The following RORB variants were observed in gnomAD, a reference collection of about 807,000 sequenced individuals.
The protein encoded by RORB is nuclear receptor ROR-beta.
RORB carries 6 observed loss-of-function variants against 59.1 expected under a neutral mutation model. That is an observed-to-expected ratio of 0.10 (90% CI 0.06 to 0.20). RORB has a LOEUF of 0.20. Among genes scored for constraint, RORB ranks in the 10% least tolerant of loss-of-function variants. The pLI, the probability that RORB is intolerant of heterozygous loss-of-function variation, is 1.00. For synonymous variants in RORB, 215 were observed against 204.5 expected (o/e 1.05, Z -0.44); for missense variants, 320 against 560.5 (o/e 0.57, Z 4.33).
rs1029322818 is a variant in RORB at position 74,583,061 on chromosome 9, A to G, written c.8-47221A>G. 2.6e-5 allele frequency among the ~76,000 whole-genome samples: 4 copies of G among 152,164 alleles called. No individual in the cohort carries two copies. The East Asian group carries it at 7.8e-4, about 29-fold the overall frequency. ...AATGTGGCACATGGACTGGGCCCCCATGTACACAAGTGGAAGGTTGGGGAA... is the reference window on the plus strand; with the variant it reads ...AATGTGGCACATGGACTGGGCCCCCGTGTACACAAGTGGAAGGTTGGGGAA... On this transcript the variant is annotated intron_variant, in intron 1 of 9. Coordinates refer to ENST00000376896, the MANE Select transcript of RORB (RefSeq NM_006914.4).
intron 4 of RORB, among the ~76,000 whole-genome samples, chr9:74,658,500 G>T (rs572330380): frequency 3.4e-5 from 5 of 147,736 alleles, no homozygotes; most frequent in Non-Finnish European, 6.0e-5. Context: ...TATCATAAAA[G>T]AACAGATAAA....
intron 1 of RORB, among the ~76,000 whole-genome samples, chr9:74,529,639 T>A (rs1826206291): frequency 6.6e-6 from 1 of 151,848 alleles, no homozygotes. Context: ...AGAGCTAATA[T>A]AAAGTACCTT....
chr9:74,595,894 A>T (rs944138603), intron 1 of RORB, among the ~76,000 whole-genome samples: 3 of 152,190 alleles, frequency 2.0e-5, no homozygotes, highest in Non-Finnish European at 4.4e-5. Flanking sequence ...CAGATGTCCC[A>T]CAGAACTGTG....
At chr9:74,616,038 AT>A (rs1432281029) in intron 1 of RORB, among the ~76,000 whole-genome samples, 1 of 152,172 alleles carries the variant, frequency 6.6e-6, no homozygotes, top group Non-Finnish European at 1.5e-5. Flanking sequence ...AATCTATTTG[AT>A]TTATATATAT....
At chr9:74,655,657 A>C (rs1256141558) in intron 4 of RORB, among the ~76,000 whole-genome samples, 1 of 152,222 alleles carries the variant, frequency 6.6e-6, no homozygotes, top group Non-Finnish European at 1.5e-5. Context: ...GAAACTTTGC[A>C]TACTGTATTC....
At chr9:74,640,253 T>G (rs979217651) in intron 3 of RORB, among the ~76,000 whole-genome samples, 1 of 152,100 alleles carries the variant, frequency 6.6e-6, no homozygotes, top group Non-Finnish European at 1.5e-5. Context: ...TTTTGTTTTG[T>G]TTTTTGAGAC....
chr9:74,606,875 T>C (rs1823157962), intron 1 of RORB, among the ~76,000 whole-genome samples: 1 of 152,068 alleles, frequency 6.6e-6, no homozygotes, highest in African/African-American at 2.4e-5. Context: ...AACCTACACA[T>C]CTAGGGTTAA....
At chr9:74,563,407 A>G (rs1348247625) in intron 1 of RORB, among the ~76,000 whole-genome samples, 1 of 152,078 alleles carries the variant, frequency 6.6e-6, no homozygotes, top group Non-Finnish European at 1.5e-5. Context: ...GCTAGTCTCA[A>G]ACTCCTGACC....
At chr9:74,549,605 G>GA (rs1826570374) in intron 1 of RORB, among the ~76,000 whole-genome samples, 4 of 54,388 alleles carry the variant, frequency 7.4e-5, no homozygotes, top group African/African-American at 1.7e-4. Flanking sequence ...AGGAAGGAAG[G>GA]AAGAAAGGAA....
intron 1 of RORB, among the ~76,000 whole-genome samples, chr9:74,569,962 C>T (rs1474006979): frequency 2.0e-5 from 3 of 151,726 alleles, no homozygotes; most frequent in South Asian, 2.1e-4. Context: ...TTATTTTCTC[C>T]TCCCCTCCTA....
intron 9 of RORB, among the ~76,000 whole-genome samples, chr9:74,673,677 A>G (rs1375936013): frequency 1.3e-5 from 2 of 152,220 alleles, no homozygotes; most frequent in African/African-American, 4.8e-5. Context: ...AATTATGTCA[A>G]CTGTAGATCA....
chr9:74,614,752 C>T (rs1375148592), intron 1 of RORB, among the ~76,000 whole-genome samples: 3 of 152,162 alleles, frequency 2.0e-5, no homozygotes, highest in Non-Finnish European at 4.4e-5. Context: ...AAAGCTAATA[C>T]ATATGTAGGC....
At chr9:74,638,351 C>T (rs952403982) in intron 3 of RORB, among the ~76,000 whole-genome samples, 9 of 151,994 alleles carry the variant, frequency 5.9e-5, no homozygotes, top group South Asian at 2.1e-4. Context: ...AAATGATTTC[C>T]GATACTTTCA....
chr9:74,645,798 A>G (rs1317878874), intron 4 of RORB, among the ~76,000 whole-genome samples: 1 of 152,140 alleles, frequency 6.6e-6, no homozygotes, highest in Non-Finnish European at 1.5e-5. Flanking sequence ...AAAGCAAAGA[A>G]CACTTATAAG....
chr9:74,560,217 C>T (rs1410986045), intron 1 of RORB, among the ~76,000 whole-genome samples: 1 of 152,052 alleles, frequency 6.6e-6, no homozygotes, highest in Non-Finnish European at 1.5e-5. Flanking sequence ...GGGTGTTTAC[C>T]ATACAGCTTA....
At chr9:74,641,147 C>A (rs1823796356) in intron 3 of RORB, among the ~76,000 whole-genome samples, 1 of 152,092 alleles carries the variant, frequency 6.6e-6, no homozygotes, top group African/African-American at 2.4e-5. Context: ...TTGTGGTAGC[C>A]CCCACTATTA....
rs756208471 is a variant in RORB at position 74,692,221 on chromosome 9, G to C, written c.*6603G>C. On this transcript the variant is annotated 3_prime_UTR_variant, in exon 10 of 10. Coordinates refer to ENST00000376896, the MANE Select transcript of RORB (RefSeq NM_006914.4). Reference sequence around the variant, plus strand: ...GAGGGAGGAAAATCCAAGGTGTCATGAGCTATAGCAACACAGGCAGGAGCA... The same window carrying C: ...GAGGGAGGAAAATCCAAGGTGTCATCAGCTATAGCAACACAGGCAGGAGCA... The C allele has an allele frequency of 6.6e-6, 1 of 152,190 alleles. No homozygotes were observed. The highest frequency in any genetic ancestry group is 1.5e-5 in the Non-Finnish European group (1 of 68,038). The allele number at this position is 152,190 out of a possible 1,614,324, so 9.4% of individuals were successfully genotyped here. A position where few individuals can be genotyped will look rare whatever the true frequency, so the allele number is the denominator to read the frequency against.
chr9:74,650,692 G>A (rs777040216), intron 4 of RORB, among the ~76,000 whole-genome samples: 4 of 152,126 alleles, frequency 2.6e-5, no homozygotes, highest in Non-Finnish European at 5.9e-5. Flanking sequence ...CTGGGGAACT[G>A]CTATTTGGTT....
chr9:74,507,959 A>G (rs1825891131), intron 1 of RORB, among the ~76,000 whole-genome samples: 1 of 152,034 alleles, frequency 6.6e-6, no homozygotes, highest in Non-Finnish European at 1.5e-5. Flanking sequence ...CTTCTTGGCA[A>G]TACTTTATTT....
Sources: gnomAD v4.1 joint callset for allele counts (sites outside exome capture counted in the v4.1 genomes callset) on GRCh38, gnomAD v4.1.1 for gene constraint, MANE v1.5 for transcripts, NCBI Gene and HGNC (gene_info 2026-07-23, HGNC 2026-07-21) for gene names.